VPS53: variants seen among roughly 807,000 people sequenced by gnomAD.
The protein encoded by VPS53 is vacuolar protein sorting-associated protein 53 homolog.
Under a neutral mutation model 107.0 loss-of-function variants are expected in VPS53, and 70 were observed. That is an observed-to-expected ratio of 0.65 (90% confidence interval 0.54 to 0.80). The LOEUF is 0.80. Among genes scored for constraint, VPS53 ranks in the 30% least tolerant of loss-of-function variants. The probability of loss-of-function intolerance (pLI) is 0.00; values close to 1 mark genes in which losing one functional copy is unlikely to be tolerated. For missense variants in VPS53, 917 were observed against 1,049.4 expected (o/e 0.87, Z 1.74); for synonymous variants, 409 against 393.3 (o/e 1.04, Z -0.47).
At chr17:707,367 C>T (rs1302123422) in intron 2 of VPS53, among the ~76,000 whole-genome samples, 1 of 151,284 alleles carries the variant, frequency 6.6e-6, no homozygotes, top group African/African-American at 2.4e-5. Context: ...ACTAAAAATA[C>T]AAAAATTAGC....
intron 13 of VPS53, among the ~76,000 whole-genome samples, chr17:568,461 G>A (rs1211911913): frequency 6.6e-6 from 1 of 151,916 alleles, no homozygotes; most frequent in Non-Finnish European, 1.5e-5. Context: ...CACCCAGGCT[G>A]GTCTCGAACT....
At chr17:563,134 C>T (rs1354214361) in intron 13 of VPS53, among the ~76,000 whole-genome samples, 1 of 152,144 alleles carries the variant, frequency 6.6e-6, no homozygotes, top group African/African-American at 2.4e-5. Context: ...GACTCCAATA[C>T]TAAAGTAAGA....
Position 584,536 on chromosome 17 carries a change from T to C in VPS53, c.1313+1734A>G, listed in dbSNP as rs1388740546. On this transcript the variant is annotated intron_variant, in intron 13 of 21. Transcript: ENST00000437048. ...TAGTATATTTTGTTTGCTTTTCTTT[T>C]CTTTTTTTCTTTTGAGACGAAGTCT... 5.3e-5 allele frequency among the ~76,000 whole-genome samples: 8 copies of C among 152,350 alleles called. No individual in the cohort carries two copies. In the East Asian group the frequency reaches 1.5e-3, roughly 29 times the overall value.
intron 4 of VPS53, among the ~76,000 whole-genome samples, chr17:685,796 C>A (rs894909276): frequency 6.6e-6 from 1 of 151,718 alleles, no homozygotes; most frequent in African/African-American, 2.4e-5. Context: ...GGTAAGGAGT[C>A]CAAGACCAGC....
chr17:625,792 T>C (rs1051188457), intron 10 of VPS53, among the ~76,000 whole-genome samples: 8 of 152,154 alleles, frequency 5.3e-5, no homozygotes, highest in Non-Finnish European at 1.0e-4. Flanking sequence ...AAACATGCAA[T>C]TTGACTTTAC....
At position 524,213 on chromosome 17, in the gene VPS53, T is replaced by G. The variant is rs1411356325; in HGVS notation, c.2086-2475A>C. On this transcript the variant is annotated intron_variant, in intron 19 of 21. Transcript: ENST00000437048. This position sits in a 1 kb window ranked among gnomAD's most constrained non-coding sequence, Gnocchi z 4.5. The stretch of plus-strand genomic sequence containing the variant: ...ACTCGGGAGGCTGAGGCAGGAGAAT[T>G]GCTTGAACCTGGGAGGTTTGCGCTA... Among the ~76,000 whole-genome samples, 1 of 152,050 alleles carries G rather than the reference T, an allele frequency of 6.6e-6. No homozygotes were observed. The highest frequency in any genetic ancestry group is 1.5e-5 in the Non-Finnish European group (1 of 68,002).
intron 14 of VPS53, among the ~76,000 whole-genome samples, chr17:562,206 C>T (rs148150058): frequency 6.6e-6 from 1 of 152,136 alleles, no homozygotes; most frequent in East Asian, 1.9e-4. Flanking sequence ...TTGTATGTGC[C>T]AAGTATCTAT....
In VPS53 at chr17:697,487, A is replaced by G; in HGVS notation, c.219-3T>C. The stretch of plus-strand genomic sequence containing the variant: ...TTCGAATATTGTCATCCAGTCTCCT[A>G]GCAAAACAGTTCAAGGATACAGTCA... On this transcript the variant is annotated splice_polypyrimidine_tract_variant and splice_region_variant and intron_variant, in intron 3 of 21. Transcript: ENST00000437048. The G allele has an allele frequency of 1.2e-6, 2 of 1,612,182 alleles. No homozygotes were observed. Among genetic ancestry groups the G allele is most frequent in the South Asian group, 1.1e-5 (1 of 91,028 alleles).
chr17:688,450 A>C (rs1972666875), intron 4 of VPS53, among the ~76,000 whole-genome samples: 1 of 152,184 alleles, frequency 6.6e-6, no homozygotes, highest in Non-Finnish European at 1.5e-5. Context: ...ACCCCGTCTA[A>C]GGTATTTCTT....
At chr17:522,700 T>C (rs1417739480) in intron 19 of VPS53, among the ~76,000 whole-genome samples, 2 of 152,264 alleles carry the variant, frequency 1.3e-5, no homozygotes, top group South Asian at 4.1e-4. Context: ...AATGTAAACA[T>C]TGTATCCTGG....
chr17:578,953 A>C (rs1226942987), intron 13 of VPS53, among the ~76,000 whole-genome samples: 1 of 126,804 alleles, frequency 7.9e-6, no homozygotes, highest in Non-Finnish European at 1.7e-5. Context: ...GGCGTTCCCA[A>C]AGATCCTCCC....
Position 537,170 on chromosome 17 carries a change from A to T in VPS53, c.1873T>A (p.Trp625Arg). Residue 625 changes from tryptophan to arginine, a missense_variant, in exon 18 of 22, where the codon TGG becomes AGG. Trp to Arg is a moderately radical substitution (Grantham distance 101). Coordinates refer to ENST00000437048, the MANE Select transcript of VPS53 (RefSeq NM_001128159.3). ...PALTAMSKMQ[W>R]QNVEHVGDQS... ...TCACCAACGTGCTCCACGTTCTGCC[A>T]CTGCATCTGAAAGGGAGAAAGGATG... 1 of 1,614,028 alleles carries T rather than the reference A, an allele frequency of 6.2e-7. No homozygotes were observed. The highest frequency in any genetic ancestry group is 8.5e-7 in the Non-Finnish European group (1 of 1,179,970).
At chr17:569,026 A>G (rs1342296452) in intron 13 of VPS53, among the ~76,000 whole-genome samples, 1 of 152,222 alleles carries the variant, frequency 6.6e-6, no homozygotes, top group African/African-American at 2.4e-5. Context: ...CTTGGTTTCT[A>G]AATGTCATCC....
At chr17:653,547 C>T in intron 6 of VPS53, 137 bp from the exon 7 acceptor site, 3 of 1,357,412 alleles carry the variant, frequency 2.2e-6, no homozygotes, top group Non-Finnish European at 3.0e-6. Flanking sequence ...AGTATATAAG[C>T]TGCTGTGCGT....
intron 15 of VPS53, among the ~76,000 whole-genome samples, chr17:553,737 A>G (rs1230017994): frequency 6.6e-6 from 1 of 151,750 alleles, no homozygotes; most frequent in South Asian, 2.1e-4. Flanking sequence ...CACCCGGCTA[A>G]TTTTATATTT....
intron 19 of VPS53, 110 bp downstream of exon 19, chr17:532,732 A>AG (rs1909689369): frequency 1.7e-5 from 26 of 1,518,038 alleles, no homozygotes; most frequent in Non-Finnish European, 2.2e-5. Flanking sequence ...GTCCCCAAAC[A>AG]GGGGACATCA....
At chr17:548,582 T>C (rs9897432) in intron 17 of VPS53, among the ~76,000 whole-genome samples, 3,892 of 28,068 alleles carry the variant, frequency 0.14, 447 homozygotes, top group African/African-American at 0.3. Context: ...CTTCTGGAAA[T>C]ATCCAACGAC....
intron 3 of VPS53, among the ~76,000 whole-genome samples, chr17:698,597 G>A (rs148841595): frequency 6.6e-6 from 1 of 152,144 alleles, no homozygotes; most frequent in African/African-American, 2.4e-5. Flanking sequence ...CAGCTACTCA[G>A]GAGGCTGAGG....
chr17:624,992 CTTCTT>C (rs1404133338), intron 10 of VPS53, among the ~76,000 whole-genome samples: 2 of 113,086 alleles, frequency 1.8e-5, no homozygotes, highest in East Asian at 4.4e-4. Context: ...CTTTCTCTCT[CTTCTT>C]TTTTTTTTTT....
Sources: allele counts gnomAD v4.1 joint callset (sites outside exome capture counted in the v4.1 genomes callset), GRCh38; gene constraint gnomAD v4.1.1; non-coding constraint Gnocchi (gnomAD v3.1); transcripts MANE v1.5; gene names NCBI Gene and HGNC (gene_info 2026-07-23, HGNC 2026-07-21).